The following WDR45B variants were observed in gnomAD, a reference collection of about 807,000 sequenced individuals.
The protein encoded by WDR45B is WD repeat domain 45B.
WDR45B carries 20 observed loss-of-function variants against 44.6 expected under a neutral mutation model. The ratio of observed to expected loss-of-function variants is 0.45; its 90% CI spans 0.32 to 0.65. WDR45B has a LOEUF of 0.65. Among genes scored for constraint, WDR45B ranks in the 30% least tolerant of loss-of-function variants. The pLI, the probability that WDR45B is intolerant of heterozygous loss-of-function variation, is 0.05. For missense variants in WDR45B, 323 were observed against 430.2 expected (o/e 0.75, Z 2.20); for synonymous variants, 169 against 164.9 (o/e 1.02, Z -0.19).
At chr17:82,618,847 T>C (rs1271244763) in intron 7 of WDR45B, among the ~76,000 whole-genome samples, 196 bp downstream of exon 7, 1 of 152,202 alleles carries the variant, frequency 6.6e-6, no homozygotes. Context: ...TTCTGTGTAA[T>C]TTCCCACGAT....
At chr17:82,622,177 T>A (rs2045628372) in intron 5 of WDR45B, among the ~76,000 whole-genome samples, 1 of 151,878 alleles carries the variant, frequency 6.6e-6, no homozygotes, top group Admixed American at 6.6e-5. Flanking sequence ...AGCAACAGCG[T>A]AAAAATATTA....
At chr17:82,633,840 C>T (rs746776689) in intron 2 of WDR45B, among the ~76,000 whole-genome samples, 26 of 151,954 alleles carry the variant, frequency 1.7e-4, no homozygotes, top group East Asian at 7.7e-4. Context: ...CACAGTGAGA[C>T]GCTCCCTCAA....
At chr17:82,646,104 G>A (rs149643216) in intron 1 of WDR45B, among the ~76,000 whole-genome samples, 3 of 144,672 alleles carry the variant, frequency 2.1e-5, no homozygotes, top group African/African-American at 5.1e-5. Context: ...CTGGGCAAGA[G>A]CAAGATCCGT....
At chr17:82,616,921 G>A (rs1032324126) in intron 8 of WDR45B, among the ~76,000 whole-genome samples, 4 of 152,044 alleles carry the variant, frequency 2.6e-5, no homozygotes, top group Admixed American at 6.6e-5. Context: ...GGCTTCAAGC[G>A]ATTCTCCTGC....
intron 5 of WDR45B, among the ~76,000 whole-genome samples, chr17:82,622,776 C>T (rs1359912828): frequency 6.7e-6 from 1 of 149,428 alleles, no homozygotes; most frequent in African/African-American, 2.5e-5. Flanking sequence ...TACCTAATTT[C>T]AGATTTACTT....
At chr17:82,633,539 T>G (rs1213215060) in intron 2 of WDR45B, among the ~76,000 whole-genome samples, 1 of 152,150 alleles carries the variant, frequency 6.6e-6, no homozygotes, top group Non-Finnish European at 1.5e-5. Flanking sequence ...TTTTTCTTTT[T>G]TTGAGACAGT....
At chr17:82,632,966 C>T (rs987971038) in intron 2 of WDR45B, among the ~76,000 whole-genome samples, 1 of 152,012 alleles carries the variant, frequency 6.6e-6, no homozygotes, top group African/African-American at 2.4e-5. Flanking sequence ...GTCAGGAGTT[C>T]GACCTGGCCA....
chr17:82,648,191 C>T lies in WDR45B; in HGVS notation c.67+83G>A, dbSNP rs1278568287. 1.7e-5 allele frequency: 25 copies of T among 1,470,636 alleles called. No individual in the cohort carries two copies. In the Admixed American group the frequency reaches 4.8e-4, roughly 28 times the overall value. 91.1% of individuals were successfully genotyped at this position (1,470,636 alleles called of 1,614,324 possible). On this transcript the variant is annotated intron_variant, in intron 1 of 9. Transcript: ENST00000392325. Reference sequence around the variant, plus strand: ...GGTGGAAGGCCTGGCCGGAAAGGGGCGCCCAGGAGAGGCCTGAGAGCCGGG... The same window carrying T: ...GGTGGAAGGCCTGGCCGGAAAGGGGTGCCCAGGAGAGGCCTGAGAGCCGGG...
intron 1 of WDR45B, chr17:82,644,440 A>C: frequency 4.3e-6 from 1 of 234,692 alleles, no homozygotes; most frequent in South Asian, 6.0e-5. Context: ...GACTCCAGGA[A>C]CCGGGAAGGT....
rs1598253903 is a variant in WDR45B, at chr17:82,614,907, C to T, written c.*1012G>A. On this transcript the variant is annotated 3_prime_UTR_variant, in exon 10 of 10. Transcript: ENST00000392325. ...ACCAAATGTTAAAAAAAGTTATGTG[C>T]CTCTCCTTCCCAAAATGTTAGTGTG... 1 of 152,252 alleles carries T rather than the reference C, an allele frequency of 6.6e-6. No homozygotes were observed. Among genetic ancestry groups the T allele is most frequent in the South Asian group, 2.1e-4 (1 of 4,824 alleles). 9.4% of individuals were successfully genotyped at this position (152,252 alleles called of 1,614,324 possible). A position where few individuals can be genotyped will look rare whatever the true frequency, so the allele number is the denominator to read the frequency against.
Position 82,627,201 on chromosome 17 carries a change from C to G in WDR45B, c.332+3G>C. The stretch of plus-strand genomic sequence containing the variant: ...TTTAAAAAATTACTGACACCAAACC[C>G]ACCTATCTCGCCGCAGCTTGACTGC... On this transcript the variant is annotated splice_donor_region_variant and intron_variant, in intron 4 of 9. Transcript: ENST00000392325. The G allele has an allele frequency of 6.2e-7, 1 of 1,612,042 alleles. No homozygotes were observed. Among genetic ancestry groups the G allele is most frequent in the Non-Finnish European group, 8.5e-7 (1 of 1,178,934 alleles).
Position 82,638,308 on chromosome 17 carries a change from G to A in WDR45B, c.142+5641C>T, listed in dbSNP as rs939245006. Among the ~76,000 whole-genome samples, 10 of 137,232 alleles carry A rather than the reference G, an allele frequency of 7.3e-5. No homozygotes were observed. In the South Asian group the frequency reaches 7.7e-4, roughly 11 times the overall value. The allele number at this position is 137,232 out of a possible 152,430, so 90.0% of individuals were successfully genotyped here. ...AGAAAGAAAGAAAAAAGAAAAGAAA[G>A]GAAGGAAGGTGGGGTGGTGGTGGGG... On this transcript the variant is annotated intron_variant, in intron 2 of 9. Transcript: ENST00000392325.
chr17:82,627,721 G>A (rs1310376440), intron 3 of WDR45B, among the ~76,000 whole-genome samples: 1 of 152,200 alleles, frequency 6.6e-6, no homozygotes, highest in Non-Finnish European at 1.5e-5. Context: ...GGTCTCAGGC[G>A]ACCCACTGGC....
chr17:82,640,887 C>T (rs952934436), intron 2 of WDR45B, among the ~76,000 whole-genome samples: 10 of 151,930 alleles, frequency 6.6e-5, no homozygotes, highest in East Asian at 1.9e-4. Flanking sequence ...CGCACAAGAC[C>T]GGGTATATGT....
chr17:82,640,667 C>T lies in WDR45B; in HGVS notation c.142+3282G>A, dbSNP rs536545289. On this transcript the variant is annotated intron_variant, in intron 2 of 9. Transcript: ENST00000392325. ...CATTGTTAAACTGTAAGCTGCCAGACGCAGAGCAGCAGATGAGTCTGTAAG... is the reference window on the plus strand; with the variant it reads ...CATTGTTAAACTGTAAGCTGCCAGATGCAGAGCAGCAGATGAGTCTGTAAG... Among the ~76,000 whole-genome samples the T allele has an allele frequency of 5.1e-4, 78 of 152,190 alleles. 2 individuals are homozygous for T. The South Asian group carries it at 0.016, about 31-fold the overall frequency.
At chr17:82,621,054 CTTTTTT>C (rs11337047) in intron 6 of WDR45B, among the ~76,000 whole-genome samples, 14 of 131,322 alleles carry the variant, frequency 1.1e-4, no homozygotes, top group African/African-American at 3.5e-4. Flanking sequence ...ATTTTTGTTT[CTTTTTT>C]TTTTTTTTTT....
In WDR45B at chr17:82,626,269, G is replaced by A. The variant is rs558821399; in HGVS notation, c.333-786C>T. On this transcript the variant is annotated intron_variant, in intron 4 of 9. Transcript: ENST00000392325. ...TGCAGGAAAGTTGGCCGGGCGCAGT[G>A]GCTCACACCTGTAATCCCAGCACTT... Among the ~76,000 whole-genome samples, 8 of 151,258 alleles carry A rather than the reference G, an allele frequency of 5.3e-5. No homozygotes were observed. The South Asian group carries it at 1.7e-3, about 32-fold the overall frequency.
At chr17:82,633,175 A>C (rs2045790599) in intron 2 of WDR45B, among the ~76,000 whole-genome samples, 1 of 152,024 alleles carries the variant, frequency 6.6e-6, no homozygotes, top group African/African-American at 2.4e-5. Context: ...AAAAAAAAAA[A>C]AAAAAACCAG....
chr17:82,631,168 A>G, intron 2 of WDR45B, 146 bp from the exon 3 acceptor site: 1 of 738,526 alleles, frequency 1.4e-6, no homozygotes, highest in East Asian at 2.8e-5. Context: ...CCCAGGCTGG[A>G]ATGCAGTAGC....
Sources: gnomAD v4.1 joint callset for allele counts (sites outside exome capture counted in the v4.1 genomes callset) on GRCh38, gnomAD v4.1.1 for gene constraint, MANE v1.5 for transcripts, NCBI Gene and HGNC (gene_info 2026-07-23, HGNC 2026-07-21) for gene names.